Variants in ZNF385D observed in about 807,000 individuals in gnomAD.
The protein encoded by ZNF385D is zinc finger protein 659.
In ZNF385D, 15 loss-of-function variants were observed where a neutral mutation model predicts 35.8. That is an observed-to-expected ratio of 0.42 (90% CI 0.28 to 0.64). The LOEUF (loss-of-function observed/expected upper bound fraction) is 0.64, where lower values mean the gene tolerates loss of function less well. ZNF385D is among the 30% of genes least tolerant of loss of function. The probability of loss-of-function intolerance (pLI) is 0.23; values close to 1 mark genes in which losing one functional copy is unlikely to be tolerated. For synonymous variants in ZNF385D, 212 were observed against 186.8 expected (o/e 1.13, Z -1.10); for missense variants, 474 against 494.6 (o/e 0.96, Z 0.39).
chr3:22,297,635 T>C (rs1575065778), intron 2 of ZNF385D, among the ~76,000 whole-genome samples: 1 of 152,050 alleles, frequency 6.6e-6, no homozygotes, highest in South Asian at 2.1e-4. Flanking sequence ...CAATGAGTAA[T>C]CTGACCTCAG....
intron 3 of ZNF385D, among the ~76,000 whole-genome samples, chr3:21,965,283 C>G (rs530434271): frequency 6.6e-6 from 1 of 152,096 alleles, no homozygotes; most frequent in Non-Finnish European, 1.5e-5. Flanking sequence ...TAATATGCAT[C>G]AAATGAATGC....
intron 3 of ZNF385D, among the ~76,000 whole-genome samples, chr3:21,554,108 T>G (rs2062652962): frequency 6.6e-6 from 1 of 152,194 alleles, no homozygotes; most frequent in South Asian, 2.1e-4. Context: ...CCAGAAGGTT[T>G]TCAATTTACT....
chr3:21,590,290 CT>C (rs1414628704), intron 2 of ZNF385D, among the ~76,000 whole-genome samples: 1 of 152,060 alleles, frequency 6.6e-6, no homozygotes, highest in Non-Finnish European at 1.5e-5. Flanking sequence ...CATAATAAAA[CT>C]TTTTTTATTG....
At chr3:21,726,481 C>G (rs2068771371) in intron 1 of ZNF385D, among the ~76,000 whole-genome samples, 1 of 152,194 alleles carries the variant, frequency 6.6e-6, no homozygotes, top group African/African-American at 2.4e-5. Context: ...TCAGCAAAAT[C>G]TCAGGATACA....
chr3:21,876,193 G>C (rs758736655), intron 3 of ZNF385D, among the ~76,000 whole-genome samples: 3 of 151,740 alleles, frequency 2.0e-5, no homozygotes, highest in Non-Finnish European at 2.9e-5. Flanking sequence ...AAAAACCTGA[G>C]GGATAGAAAA....
chr3:21,741,978 T>C (rs2069537172), intron 1 of ZNF385D, among the ~76,000 whole-genome samples: 1 of 152,216 alleles, frequency 6.6e-6, no homozygotes, highest in Non-Finnish European at 1.5e-5. Context: ...AGTAACGAAA[T>C]GCTTCTTCCC....
At chr3:21,657,159 C>G (rs1020924204) in intron 2 of ZNF385D, among the ~76,000 whole-genome samples, 2 of 151,838 alleles carry the variant, frequency 1.3e-5, no homozygotes, top group Non-Finnish European at 2.9e-5. Context: ...AGGATAGATA[C>G]AAAAGCCATT....
chr3:21,742,776 A>C (rs2069580240), intron 1 of ZNF385D, among the ~76,000 whole-genome samples: 1 of 152,172 alleles, frequency 6.6e-6, no homozygotes, highest in Non-Finnish European at 1.5e-5. Flanking sequence ...TTGTCTCACC[A>C]TTCCCCATGT....
chr3:21,577,195 T>C (rs1252092184), intron 2 of ZNF385D, among the ~76,000 whole-genome samples: 1 of 152,226 alleles, frequency 6.6e-6, no homozygotes, highest in Non-Finnish European at 1.5e-5. Flanking sequence ...GTTATCACTA[T>C]TCTACTGTTT....
intron 4 of ZNF385D, among the ~76,000 whole-genome samples, chr3:21,455,791 A>G (rs1474517736): frequency 6.6e-6 from 1 of 152,194 alleles, no homozygotes; most frequent in Non-Finnish European, 1.5e-5. Flanking sequence ...CTACCATCAG[A>G]GTGAACAGGC....
At chr3:21,598,732 T>C (rs2064195924) in intron 2 of ZNF385D, among the ~76,000 whole-genome samples, 1 of 152,214 alleles carries the variant, frequency 6.6e-6, no homozygotes, top group South Asian at 2.1e-4. Context: ...GAAATAAATA[T>C]CTGAGGACTT....
At chr3:22,156,147 C>G (rs1298861363) in intron 3 of ZNF385D, among the ~76,000 whole-genome samples, 1 of 151,882 alleles carries the variant, frequency 6.6e-6, no homozygotes, top group Non-Finnish European at 1.5e-5. Flanking sequence ...GCAATGAGTA[C>G]TTATCAGGTT....
chr3:22,006,574 A>T (rs1007964107), intron 3 of ZNF385D, among the ~76,000 whole-genome samples: 2 of 152,124 alleles, frequency 1.3e-5, no homozygotes, highest in African/African-American at 4.8e-5. Flanking sequence ...CACAGATGGA[A>T]AATGGACAAT....
At chr3:22,047,909 A>C (rs1272406255) in intron 3 of ZNF385D, among the ~76,000 whole-genome samples, 1 of 152,094 alleles carries the variant, frequency 6.6e-6, no homozygotes, top group Non-Finnish European at 1.5e-5. Context: ...CTTCACCAAC[A>C]CCTACATTGG....
chr3:21,443,950 A>G (rs776024878), intron 4 of ZNF385D, among the ~76,000 whole-genome samples: 2 of 152,224 alleles, frequency 1.3e-5, no homozygotes, highest in Non-Finnish European at 2.9e-5. Flanking sequence ...ATTCATATAC[A>G]TAATGGTTAC....
chr3:21,457,135 T>C (rs564134393), intron 4 of ZNF385D, among the ~76,000 whole-genome samples: 4 of 152,240 alleles, frequency 2.6e-5, no homozygotes, highest in Admixed American at 1.3e-4. Flanking sequence ...TAAATATTTC[T>C]TGAATGAGAG....
At chr3:21,974,026 T>A (rs534595253) in intron 3 of ZNF385D, among the ~76,000 whole-genome samples, 1 of 152,166 alleles carries the variant, frequency 6.6e-6, no homozygotes, top group South Asian at 2.1e-4. Context: ...AATAAATGCC[T>A]ATCAAAATAC....
intron 3 of ZNF385D, among the ~76,000 whole-genome samples, chr3:21,840,050 G>A (rs1189527220): frequency 6.6e-6 from 1 of 151,942 alleles, no homozygotes; most frequent in Non-Finnish European, 1.5e-5. Context: ...GTTATAAGTG[G>A]AAAAAAGAAG....
intron 3 of ZNF385D, chr3:21,542,857 A>T (rs527471015): frequency 6.6e-6 from 1 of 151,880 alleles, no homozygotes; most frequent in South Asian, 2.1e-4. Context: ...ACTCGATAAA[A>T]CCCTGCTTTA....
Sources: allele counts gnomAD v4.1 joint callset (sites outside exome capture counted in the v4.1 genomes callset), GRCh38; gene constraint gnomAD v4.1.1; transcripts MANE v1.5; gene names NCBI Gene and HGNC (gene_info 2026-07-23, HGNC 2026-07-21).